The following BAALC variants were observed in gnomAD, a reference collection of about 807,000 sequenced individuals.
BAALC encodes the protein BAALC binder of MAP3K1 and KLF4.
In BAALC, 9 loss-of-function variants were observed where a neutral mutation model predicts 15.5. That is an observed-to-expected ratio of 0.58 (90% CI 0.35 to 1.02). The LOEUF (loss-of-function observed/expected upper bound fraction) is 1.02, where lower values mean the gene tolerates loss of function less well. BAALC is among the 50% of genes least tolerant of loss of function. BAALC has a pLI of 0.02. For missense variants in BAALC, 201 were observed against 192.4 expected (o/e 1.04, Z -0.27); for synonymous variants, 80 against 74.6 (o/e 1.07, Z -0.37).
chr8:103,149,763 AT>A (rs1281768575), intron 1 of BAALC, among the ~76,000 whole-genome samples: 1 of 151,932 alleles, frequency 6.6e-6, no homozygotes, highest in Non-Finnish European at 1.5e-5. Context: ...AAGTAAAGGG[AT>A]TTTTCTTTTT....
chr8:103,209,694 A>G (rs1269604435), intron 1 of BAALC, among the ~76,000 whole-genome samples: 1 of 152,154 alleles, frequency 6.6e-6, no homozygotes, highest in Non-Finnish European at 1.5e-5. Context: ...TTGTGTGATT[A>G]ATACACAACT....
chr8:103,172,569 T>G (rs1811521148), intron 1 of BAALC, among the ~76,000 whole-genome samples: 1 of 151,984 alleles, frequency 6.6e-6, no homozygotes, highest in South Asian at 2.1e-4. Flanking sequence ...GACTGGCTAA[T>G]TTTTGGTAGA....
intron 1 of BAALC, among the ~76,000 whole-genome samples, chr8:103,190,320 A>G (rs767938692): frequency 1.3e-5 from 2 of 152,136 alleles, no homozygotes; most frequent in African/African-American, 2.4e-5. Context: ...TCTCTTAAAT[A>G]TCTCTTGAAT....
At chr8:103,209,792 T>C (rs1039901230) in intron 1 of BAALC, among the ~76,000 whole-genome samples, 3 of 152,242 alleles carry the variant, frequency 2.0e-5, no homozygotes, top group African/African-American at 7.2e-5. Flanking sequence ...TAGACAAGTC[T>C]GCCTTTGGAT....
chr8:103,197,474 A>G (rs1471850270), intron 1 of BAALC, among the ~76,000 whole-genome samples: 1 of 152,192 alleles, frequency 6.6e-6, no homozygotes, highest in African/African-American at 2.4e-5. Flanking sequence ...CTATCTTTGT[A>G]TGCTTAGGTC....
At chr8:103,177,167 TTTGTTG>T (rs139182843) in intron 1 of BAALC, among the ~76,000 whole-genome samples, 11 of 150,088 alleles carry the variant, frequency 7.3e-5, no homozygotes, top group Non-Finnish European at 1.3e-4. Context: ...GTGCGGGTTT[TTTGTTG>T]TTGTTGTTGT....
chr8:103,228,337 T>G lies in BAALC; in HGVS notation c.*238T>G, dbSNP rs1812850882. Reference sequence around the variant, plus strand: ...CTTACATATGTTAATAAACTGCAAATGTGCAGTTCAGTTTGTCTCTTTGCA... The same window carrying G: ...CTTACATATGTTAATAAACTGCAAAGGTGCAGTTCAGTTTGTCTCTTTGCA... On this transcript the variant is annotated 3_prime_UTR_variant, in exon 3 of 3. Coordinates refer to ENST00000309982, the MANE Select transcript of BAALC (RefSeq NM_024812.3). 9.4e-6 allele frequency: 4 copies of G among 424,814 alleles called. No individual in the cohort carries two copies. In the South Asian group the frequency reaches 1.6e-4, roughly 17 times the overall value. 26.3% of individuals were successfully genotyped at this position (424,814 alleles called of 1,614,324 possible).
chr8:103,146,152 T>C (rs1810876602), intron 1 of BAALC, among the ~76,000 whole-genome samples: 1 of 152,154 alleles, frequency 6.6e-6, no homozygotes, highest in African/African-American at 2.4e-5. Context: ...TAGAAGGGCA[T>C]GTAGAAAAGC....
At chr8:103,176,730 G>T (rs142803369) in intron 1 of BAALC, among the ~76,000 whole-genome samples, 157 of 152,300 alleles carry the variant, frequency 1.0e-3, no homozygotes, top group African/African-American at 3.5e-3. Flanking sequence ...TTCAGACTCT[G>T]CTTCTGGTTC....
chr8:103,179,245 G>A (rs978901216), intron 1 of BAALC, among the ~76,000 whole-genome samples: 1 of 152,108 alleles, frequency 6.6e-6, no homozygotes, highest in African/African-American at 2.4e-5. Context: ...GGGTGCTGTC[G>A]TGGGCACTGT....
chr8:103,181,480 G>C, intron 1 of BAALC, among the ~76,000 whole-genome samples: 1 of 152,018 alleles, frequency 6.6e-6, no homozygotes, highest in East Asian at 1.9e-4. Flanking sequence ...CACCATGTTA[G>C]CCAGGATGGT....
Position 103,228,926 on chromosome 8 carries a change from T to C in BAALC, c.*827T>C, listed in dbSNP as rs1359561214. 6.6e-6 allele frequency: 1 copy of C among 152,266 alleles called. No homozygotes were observed. Among genetic ancestry groups the C allele is most frequent in the East Asian group, 1.9e-4 (1 of 5,200 alleles). 9.4% of individuals were successfully genotyped at this position (152,266 alleles called of 1,614,324 possible). Reference sequence around the variant, plus strand: ...CCTTTGCTTGTCTTCTTGACTGTCTTCCCTCTCTATCGGGGTCACTTGCAA... The same window carrying C: ...CCTTTGCTTGTCTTCTTGACTGTCTCCCCTCTCTATCGGGGTCACTTGCAA... On this transcript the variant is annotated 3_prime_UTR_variant, in exon 3 of 3. Coordinates refer to ENST00000309982, the MANE Select transcript of BAALC (RefSeq NM_024812.3).
intron 1 of BAALC, among the ~76,000 whole-genome samples, chr8:103,160,366 A>T (rs1811197379): frequency 6.6e-6 from 1 of 152,146 alleles, no homozygotes; most frequent in African/African-American, 2.4e-5. Context: ...TTACAAAGTC[A>T]TTTACCACCT....
At chr8:103,197,723 G>A (rs1028128307) in intron 1 of BAALC, among the ~76,000 whole-genome samples, 1 of 152,166 alleles carries the variant, frequency 6.6e-6, no homozygotes, top group African/African-American at 2.4e-5. Context: ...CGGGCAGCCA[G>A]CGTGTCACAG....
intron 1 of BAALC, among the ~76,000 whole-genome samples, chr8:103,158,459 CTTTAT>C (rs1210629290): frequency 6.6e-6 from 1 of 152,130 alleles, no homozygotes; most frequent in Admixed American, 6.6e-5. Context: ...AACTTTCATA[CTTTAT>C]TTTAAAGAAG....
At chr8:103,191,499 A>G (rs1233472166) in intron 1 of BAALC, 1 of 152,152 alleles carries the variant, frequency 6.6e-6, no homozygotes, top group African/African-American at 2.4e-5. Flanking sequence ...GGAAACAAAG[A>G]AATATCAGTT....
At chr8:103,219,926 C>G (rs1456304688) in intron 2 of BAALC, among the ~76,000 whole-genome samples, 3 of 152,144 alleles carry the variant, frequency 2.0e-5, no homozygotes, top group Non-Finnish European at 4.4e-5. Context: ...TTTTGACGTG[C>G]CTACAACGTG....
In BAALC at chr8:103,140,758, C is replaced by A; in HGVS notation, c.-140C>A. The A allele has an allele frequency of 2.9e-6, 2 of 699,772 alleles. No homozygotes were observed. Among genetic ancestry groups the A allele is most frequent in the Non-Finnish European group, 3.8e-6 (2 of 529,168 alleles). The allele number at this position is 699,772 out of a possible 1,614,324, so 43.3% of individuals were successfully genotyped here. ...GGCGGCGGGCACCGCAGGAGCTCCG[C>A]GCGGCTGCAGCGCGGGCGGGAGCGG... On this transcript the variant is annotated 5_prime_UTR_variant, in exon 1 of 3. Coordinates refer to ENST00000309982, the MANE Select transcript of BAALC (RefSeq NM_024812.3). The surrounding 1 kb of genome is among the most constrained non-coding windows in gnomAD (Gnocchi z 4.2).
intron 1 of BAALC, among the ~76,000 whole-genome samples, chr8:103,146,253 G>T (rs1320103913): frequency 6.6e-6 from 1 of 152,166 alleles, no homozygotes; most frequent in Non-Finnish European, 1.5e-5. Flanking sequence ...GCAGAGGAAG[G>T]GGGACTGTCC....
Sources: allele counts gnomAD v4.1 joint callset (sites outside exome capture counted in the v4.1 genomes callset), GRCh38; gene constraint gnomAD v4.1.1; non-coding constraint Gnocchi (gnomAD v3.1); transcripts MANE v1.5; gene names NCBI Gene and HGNC (gene_info 2026-07-23, HGNC 2026-07-21).